The following ZBTB20 variants were observed in gnomAD, a reference collection of about 807,000 sequenced individuals.
The protein encoded by ZBTB20 is zinc finger and BTB domain containing 20.
In ZBTB20, 9 loss-of-function variants were observed where a neutral mutation model predicts 56.9. The observed-to-expected ratio is 0.16, with a 90% CI of 0.10 to 0.28. The LOEUF (loss-of-function observed/expected upper bound fraction) is 0.28. ZBTB20 is among the 10% of genes least tolerant of loss of function. The pLI, the probability that ZBTB20 is intolerant of heterozygous loss-of-function variation, is 1.00. For missense variants in ZBTB20, 655 were observed against 1,003.0 expected (o/e 0.65, Z 4.69); for synonymous variants, 417 against 420.7 (o/e 0.99, Z 0.11).
intron 6 of ZBTB20, among the ~76,000 whole-genome samples, chr3:114,592,966 G>A (rs1253785631): frequency 1.3e-5 from 2 of 152,096 alleles, no homozygotes; most frequent in Non-Finnish European, 2.9e-5. Flanking sequence ...TGGTTGCTGG[G>A]TCCATGACGG....
chr3:115,099,187 G>T (rs1330071569), intron 1 of ZBTB20, among the ~76,000 whole-genome samples: 3 of 152,018 alleles, frequency 2.0e-5, no homozygotes, highest in Non-Finnish European at 2.9e-5. Flanking sequence ...GGAAAAGAAA[G>T]CACCACAAAA....
rs201025047 is a variant in ZBTB20, at chr3:114,890,630, TAGG to T, written c.-417+9671_-417+9673del. 1.1e-4 allele frequency among the ~76,000 whole-genome samples: 17 copies of T among 152,130 alleles called. No individual in the cohort carries two copies. In the East Asian group the frequency reaches 3.1e-3, roughly 28 times the overall value. ...TGGGGAGACGGGGGAGGGATTGCATTAGGAGATGTACCTAATGTAAATGACAAG... is the reference window on the plus strand; with the variant it reads ...TGGGGAGACGGGGGAGGGATTGCATTAGATGTACCTAATGTAAATGACAAG... On this transcript the variant is annotated intron_variant, in intron 4 of 11. Transcript: ENST00000675478.
In ZBTB20 at chr3:114,374,165, C is replaced by G. The variant is rs778258925; in HGVS notation, c.199+6052G>C. 7.0e-4 allele frequency among the ~76,000 whole-genome samples: 107 copies of G among 152,124 alleles called. 4 individuals are homozygous for G. The highest frequency in any genetic ancestry group is 1.9e-4 in the Non-Finnish European group (13 of 68,012). On this transcript the variant is annotated intron_variant, in intron 10 of 11. Coordinates refer to ENST00000675478, the MANE Select transcript of ZBTB20 (RefSeq NM_001348800.3). ...AATTAACTAAGAGGCAGAAAGGTGA[C>G]TTTTTAAAACGGGAAAGACTATCTT...
chr3:114,625,395 T>A (rs1311147392), intron 6 of ZBTB20, among the ~76,000 whole-genome samples: 2 of 152,204 alleles, frequency 1.3e-5, no homozygotes, highest in Non-Finnish European at 2.9e-5. Flanking sequence ...GGTGACTTCC[T>A]ATATACTATC....
chr3:115,048,567 A>C lies in ZBTB20; in HGVS notation c.-507+22652T>G, dbSNP rs118157105. On this transcript the variant is annotated intron_variant, in intron 2 of 11. Transcript: ENST00000675478. Reference sequence around the variant, plus strand: ...TAAGATAAATAATCTTGACTAAATTAAAACAAATGTTGAGGTAATTATTAC... The same window carrying C: ...TAAGATAAATAATCTTGACTAAATTCAAACAAATGTTGAGGTAATTATTAC... Among the ~76,000 whole-genome samples the C allele has an allele frequency of 1.6e-3, 238 of 152,318 alleles. 4 individuals carry two copies. The East Asian group carries it at 0.04, about 25-fold the overall frequency.
intron 2 of ZBTB20, among the ~76,000 whole-genome samples, chr3:114,987,500 A>G (rs2078597977): frequency 6.6e-6 from 1 of 152,148 alleles, no homozygotes; most frequent in African/African-American, 2.4e-5. Flanking sequence ...AAATCACAAA[A>G]CGTTGCAATA....
At chr3:114,419,370 A>C (rs760589729) in intron 7 of ZBTB20, among the ~76,000 whole-genome samples, 3 of 152,136 alleles carry the variant, frequency 2.0e-5, no homozygotes, top group Non-Finnish European at 4.4e-5. Flanking sequence ...GAAGAGGGCA[A>C]GCAAAATGGG....
intron 2 of ZBTB20, among the ~76,000 whole-genome samples, chr3:115,069,849 A>C (rs532536921): frequency 2.6e-5 from 4 of 151,592 alleles, no homozygotes; most frequent in Non-Finnish European, 5.9e-5. Context: ...TAATCCTCAT[A>C]TACAAAAAAA....
intron 4 of ZBTB20, among the ~76,000 whole-genome samples, chr3:114,830,117 C>T (rs2073765837): frequency 6.6e-6 from 1 of 151,828 alleles, no homozygotes; most frequent in South Asian, 2.1e-4. Flanking sequence ...CTAACCTATG[C>T]CATCCTGAAT....
chr3:114,337,680 A>G lies in ZBTB20; in HGVS notation c.*1325T>C, dbSNP rs957286721. ...CAACCCAGGCAATACTTAAAATAAT[A>G]AAAATTAAGAAAAATTAAAAAAAAT... On this transcript the variant is annotated 3_prime_UTR_variant, in exon 12 of 12. Transcript: ENST00000675478. 6.6e-6 allele frequency: 1 copy of G among 152,090 alleles called. No individual in the cohort carries two copies. Among genetic ancestry groups the G allele is most frequent in the Admixed American group, 6.5e-5 (1 of 15,274 alleles). 9.4% of individuals were successfully genotyped at this position (152,090 alleles called of 1,614,324 possible). A position where few individuals can be genotyped will look rare whatever the true frequency, so the allele number is the denominator to read the frequency against.
At chr3:114,877,855 A>G (rs1223570592) in intron 4 of ZBTB20, among the ~76,000 whole-genome samples, 1 of 152,086 alleles carries the variant, frequency 6.6e-6, no homozygotes, top group Non-Finnish European at 1.5e-5. Flanking sequence ...ATACATTTAC[A>G]TACAATTTAA....
chr3:115,000,054 A>G (rs1253895443), intron 2 of ZBTB20, among the ~76,000 whole-genome samples: 1 of 151,462 alleles, frequency 6.6e-6, no homozygotes, highest in Non-Finnish European at 1.5e-5. Flanking sequence ...TAAAAAAAAA[A>G]TAGCAAAATA....
At chr3:114,476,769 G>T (rs868719497) in intron 7 of ZBTB20, among the ~76,000 whole-genome samples, 30 of 152,156 alleles carry the variant, frequency 2.0e-4, no homozygotes, top group African/African-American at 6.5e-4. Flanking sequence ...TCCAACACAA[G>T]AACTTTTGGA....
At chr3:114,835,930 C>A (rs2074099834) in intron 4 of ZBTB20, among the ~76,000 whole-genome samples, 1 of 152,122 alleles carries the variant, frequency 6.6e-6, no homozygotes, top group African/African-American at 2.4e-5. Context: ...AACAAATGCA[C>A]CTATGTAGCC....
intron 4 of ZBTB20, among the ~76,000 whole-genome samples, chr3:114,881,799 T>A (rs1297933338): frequency 6.6e-6 from 1 of 151,802 alleles, no homozygotes; most frequent in South Asian, 2.1e-4. Flanking sequence ...ATTAAAAAAA[T>A]TGGTGCTTTT....
At position 115,028,419 on chromosome 3, in the gene ZBTB20, A is replaced by G. The variant is rs577891137; in HGVS notation, c.-507+42800T>C. 2.7e-5 allele frequency among the ~76,000 whole-genome samples: 4 copies of G among 150,896 alleles called. No individual in the cohort carries two copies. The East Asian group carries it at 7.8e-4, about 29-fold the overall frequency. On this transcript the variant is annotated intron_variant, in intron 2 of 11. Coordinates refer to ENST00000675478, the MANE Select transcript of ZBTB20 (RefSeq NM_001348800.3). ...TCTAAAATATCTCATTAACATTTTC[A>G]TATTACATATTAAAATGGTAATATC... is the stretch of plus-strand genomic sequence containing the variant.
intron 1 of ZBTB20, among the ~76,000 whole-genome samples, chr3:115,119,838 G>A (rs1348312091): frequency 1.3e-5 from 2 of 152,120 alleles, no homozygotes; most frequent in Non-Finnish European, 2.9e-5. Flanking sequence ...GTAATACTGT[G>A]AATTACTTAT....
chr3:115,025,931 T>C (rs1296597658), intron 2 of ZBTB20, among the ~76,000 whole-genome samples: 1 of 150,038 alleles, frequency 6.7e-6, no homozygotes, highest in East Asian at 1.9e-4. Flanking sequence ...AAATACTAAA[T>C]ATACTAAAAT....
chr3:114,900,699 A>C (rs535055483), intron 3 of ZBTB20: 2 of 151,972 alleles, frequency 1.3e-5, no homozygotes, highest in South Asian at 4.2e-4. Flanking sequence ...CCTTCCTAAT[A>C]CAAATATGAC....
Sources: allele counts gnomAD v4.1 joint callset (sites outside exome capture counted in the v4.1 genomes callset), GRCh38; gene constraint gnomAD v4.1.1; transcripts MANE v1.5; gene names NCBI Gene and HGNC (gene_info 2026-07-23, HGNC 2026-07-21).